The following ICA1 variants were observed in gnomAD, a reference collection of about 807,000 sequenced individuals.
The protein encoded by ICA1 is 69 kDa islet cell autoantigen.
ICA1 carries 40 observed loss-of-function variants against 71.0 expected under a neutral mutation model. The ratio of observed to expected loss-of-function variants is 0.56; its 90% CI spans 0.44 to 0.73. The LOEUF is 0.73. ICA1 is among the 30% of genes least tolerant of loss of function. The probability of loss-of-function intolerance (pLI) is 0.00; values close to 1 mark genes in which losing one functional copy is unlikely to be tolerated. For synonymous variants in ICA1, 207 were observed against 209.5 expected, an observed-to-expected ratio of 0.99 and a Z score of 0.10; for missense variants, 578 against 576.5, an observed-to-expected ratio of 1.00 and a Z score of -0.03.
intron 13 of ICA1, among the ~76,000 whole-genome samples, chr7:8,114,474 T>C (rs1784162836): frequency 6.6e-6 from 1 of 152,164 alleles, no homozygotes; most frequent in Non-Finnish European, 1.5e-5. Context: ...GGAGAAATAT[T>C]ATGGCCACTC....
At chr7:8,162,912 C>T (rs753302396) in intron 6 of ICA1, among the ~76,000 whole-genome samples, 4 of 152,116 alleles carry the variant, frequency 2.6e-5, no homozygotes, top group Non-Finnish European at 4.4e-5. Flanking sequence ...TACAGGCTTG[C>T]GCCACCACGC....
rs1275670026 is a variant in ICA1, at chr7:8,234,238, AAAAAG to A, written c.18-1488_18-1484del. The stretch of plus-strand genomic sequence containing the variant: ...CCCTCAAAAAAGAAAAAAGAGAAGA[AAAAAG>A]AGAAAAGAAACAAAAGTAATTGAAA... On this transcript the variant is annotated intron_variant, in intron 2 of 13. Transcript: ENST00000402384. The surrounding 1 kb of genome is among the most constrained non-coding windows in gnomAD (Gnocchi z 4.5). Among the ~76,000 whole-genome samples the A allele has an allele frequency of 1.3e-5, 2 of 152,232 alleles. No homozygotes were observed. Among genetic ancestry groups the A allele is most frequent in the Non-Finnish European group, 2.9e-5 (2 of 68,042 alleles).
intron 1 of ICA1, among the ~76,000 whole-genome samples, chr7:8,249,832 A>G (rs1331036344): frequency 1.3e-5 from 2 of 152,142 alleles, no homozygotes; most frequent in African/African-American, 4.8e-5. Flanking sequence ...AGTTTATTAG[A>G]CTGACTATTT....
intron 13 of ICA1, among the ~76,000 whole-genome samples, chr7:8,126,007 C>A (rs1025397358): frequency 2.0e-5 from 3 of 152,346 alleles, no homozygotes; most frequent in Non-Finnish European, 4.4e-5. Flanking sequence ...CATAGTCTGG[C>A]AGCCCCACTG....
chr7:8,152,303 G>A (rs531279741), intron 8 of ICA1, among the ~76,000 whole-genome samples: 1 of 152,028 alleles, frequency 6.6e-6, no homozygotes, highest in Non-Finnish European at 1.5e-5. Context: ...GAGTGAGAAA[G>A]TAACATAACC....
intron 1 of ICA1, among the ~76,000 whole-genome samples, chr7:8,248,955 A>G (rs1438383027): frequency 1.3e-5 from 2 of 152,180 alleles, no homozygotes; most frequent in Admixed American, 6.5e-5. Context: ...TTCTTTCTTC[A>G]TGGAATATAA....
At chr7:8,231,280 C>A (rs548765604) in intron 3 of ICA1, among the ~76,000 whole-genome samples, 122 of 151,920 alleles carry the variant, frequency 8.0e-4, no homozygotes, top group African/African-American at 2.9e-3. Flanking sequence ...GTGGTGAGGG[C>A]AATGTAAGCG....
intron 8 of ICA1, among the ~76,000 whole-genome samples, chr7:8,155,158 C>A (rs1310558517): frequency 1.3e-5 from 2 of 152,056 alleles, no homozygotes; most frequent in African/African-American, 4.8e-5. Context: ...TTAATATTAC[C>A]ATAACATCAT....
intron 6 of ICA1, among the ~76,000 whole-genome samples, chr7:8,203,924 C>T (rs986622451): frequency 2.6e-5 from 4 of 152,090 alleles, no homozygotes; most frequent in African/African-American, 9.7e-5. Context: ...GATTCAGGCG[C>T]CAGACAGACC....
intron 6 of ICA1, among the ~76,000 whole-genome samples, chr7:8,184,804 G>T (rs1400227643): frequency 2.0e-5 from 3 of 152,208 alleles, no homozygotes; most frequent in Non-Finnish European, 4.4e-5. Context: ...GCGGGGTGCC[G>T]TGGCTTGCAC....
chr7:8,243,397 GGTATTGATGGAAC>G (rs1000020067), intron 1 of ICA1, among the ~76,000 whole-genome samples: 49 of 152,230 alleles, frequency 3.2e-4, no homozygotes, highest in African/African-American at 1.2e-3. Flanking sequence ...CAATAAACTA[GGTATTGATGGAAC>G]GTATCTCAAA....
intron 1 of ICA1, among the ~76,000 whole-genome samples, chr7:8,259,882 C>T (rs1202134350): frequency 1.3e-5 from 2 of 151,994 alleles, no homozygotes; most frequent in Non-Finnish European, 2.9e-5. Flanking sequence ...AGGCAGATTG[C>T]GAATGGTGGT....
chr7:8,262,121 C>G lies in ICA1; in HGVS notation c.-107G>C, dbSNP rs1412111433. 1 of 152,182 alleles carries G rather than the reference C, an allele frequency of 6.6e-6. No individual in the cohort carries two copies. Among genetic ancestry groups the G allele is most frequent in the African/African-American group, 2.4e-5 (1 of 41,452 alleles). The allele number at this position is 152,182 out of a possible 1,614,324, so 9.4% of individuals were successfully genotyped here. ...CGGAGCCCCGGCCCCCAGGAGCCTC[C>G]CGGCCGCGGTCGGAGCGTCCCTCCG... On this transcript the variant is annotated 5_prime_UTR_variant, in exon 1 of 14. Transcript: ENST00000402384.
intron 1 of ICA1, among the ~76,000 whole-genome samples, chr7:8,255,486 T>C (rs1809764646): frequency 6.6e-6 from 1 of 152,220 alleles, no homozygotes; most frequent in African/African-American, 2.4e-5. Context: ...GGAACTTTAC[T>C]TGCTCTCATT....
intron 12 of ICA1, among the ~76,000 whole-genome samples, chr7:8,136,942 G>A (rs1276101147): frequency 2.6e-5 from 4 of 152,102 alleles, no homozygotes; most frequent in Admixed American, 6.5e-5. Context: ...AGCATCTATC[G>A]CAGGCAGTGC....
intron 6 of ICA1, among the ~76,000 whole-genome samples, chr7:8,214,811 T>C (rs1794893887): frequency 1.3e-5 from 2 of 152,226 alleles, no homozygotes; most frequent in South Asian, 4.1e-4. Context: ...TTAAAAGGTT[T>C]CTTGGCAATC....
At chr7:8,256,955 T>C (rs1487335487) in intron 1 of ICA1, among the ~76,000 whole-genome samples, 1 of 152,178 alleles carries the variant, frequency 6.6e-6, no homozygotes, top group Non-Finnish European at 1.5e-5. Context: ...AGAAACAAAG[T>C]TTAGAAGGAC....
rs1343489674 is a variant in ICA1, at chr7:8,163,511, A to T, written c.580-4859T>A. The stretch of plus-strand genomic sequence containing the variant: ...TCGGCACAAATGGAATCGATAGTAC[A>T]TTGGGTATATTTCAGATCAGCGAAG... On this transcript the variant is annotated intron_variant, in intron 6 of 13. Coordinates refer to ENST00000402384, the MANE Select transcript of ICA1 (RefSeq NM_001136020.3). Among the ~76,000 whole-genome samples, 8 of 152,228 alleles carry T rather than the reference A, an allele frequency of 5.3e-5. No individual in the cohort carries two copies. In the South Asian group the frequency reaches 1.7e-3, roughly 31 times the overall value.
At chr7:8,176,844 T>C (rs2128247200) in intron 6 of ICA1, among the ~76,000 whole-genome samples, 1 of 152,346 alleles carries the variant, frequency 6.6e-6, no homozygotes, top group East Asian at 1.9e-4. Flanking sequence ...ATTGTGGTAC[T>C]GTATTTCTAT....
Sources: allele counts gnomAD v4.1 joint callset (sites outside exome capture counted in the v4.1 genomes callset), GRCh38; gene constraint gnomAD v4.1.1; non-coding constraint Gnocchi (gnomAD v3.1); transcripts MANE v1.5; gene names NCBI Gene and HGNC (gene_info 2026-07-23, HGNC 2026-07-21).